FER1L6: variants seen among roughly 807,000 people sequenced by gnomAD.
FER1L6 encodes fer-1 like family member 6, also known as fer-1-like protein 6.
In FER1L6, 177 loss-of-function variants were observed where a neutral mutation model predicts 219.2. The observed-to-expected ratio is 0.81, with a 90% CI of 0.71 to 0.91. The LOEUF (loss-of-function observed/expected upper bound fraction) is 0.91. Among genes scored for constraint, FER1L6 ranks in the 40% least tolerant of loss-of-function variants. The probability of loss-of-function intolerance (pLI) is 0.00; values close to 1 mark genes in which losing one functional copy is unlikely to be tolerated. For synonymous variants in FER1L6, 768 were observed against 824.3 expected, an observed-to-expected ratio of 0.93 and a Z score of 1.17; for missense variants, 2,153 against 2,259.9, an observed-to-expected ratio of 0.95 and a Z score of 0.96.
chr8:124,025,512 T>C (rs1000338675), intron 18 of FER1L6, among the ~76,000 whole-genome samples: 1 of 152,168 alleles, frequency 6.6e-6, no homozygotes, highest in Non-Finnish European at 1.5e-5. Flanking sequence ...ATTTCTAGGT[T>C]CTCTATTCTA....
At chr8:123,884,321 T>A (rs1817161518) in intron 1 of FER1L6, among the ~76,000 whole-genome samples, 1 of 152,046 alleles carries the variant, frequency 6.6e-6, no homozygotes, top group South Asian at 2.1e-4. Context: ...ATTAGGAAAG[T>A]GAGGCAGTAA....
At chr8:123,999,042 G>T (rs1026485694) in intron 12 of FER1L6, among the ~76,000 whole-genome samples, 1 of 152,204 alleles carries the variant, frequency 6.6e-6, no homozygotes, top group African/African-American at 2.4e-5. Context: ...AACCTGCCTG[G>T]TGTTCTACCT....
chr8:123,946,174 G>A (rs1814476678), intron 1 of FER1L6, among the ~76,000 whole-genome samples: 1 of 152,136 alleles, frequency 6.6e-6, no homozygotes, highest in South Asian at 2.1e-4. Context: ...ATAGATTTAT[G>A]ACCTTGAACT....
chr8:124,081,580 G>C (rs1431037550), intron 32 of FER1L6, among the ~76,000 whole-genome samples: 1 of 142,758 alleles, frequency 7.0e-6, no homozygotes, highest in African/African-American at 2.7e-5. Context: ...TGCAGGTCAA[G>C]TGCAGGCTCC....
chr8:123,979,054 T>C (rs1465922571), intron 10 of FER1L6, among the ~76,000 whole-genome samples: 2 of 152,198 alleles, frequency 1.3e-5, no homozygotes, highest in African/African-American at 4.8e-5. Flanking sequence ...AATATTCTTA[T>C]ATTTAAGTCT....
At chr8:123,890,052 C>T (rs2129693326) in intron 1 of FER1L6, among the ~76,000 whole-genome samples, 1 of 152,194 alleles carries the variant, frequency 6.6e-6, no homozygotes, top group Admixed American at 6.5e-5. Context: ...CTTAGTCTTG[C>T]TGAAGTTAAA....
chr8:123,918,006 T>C (rs1813238903), intron 1 of FER1L6, among the ~76,000 whole-genome samples: 2 of 152,220 alleles, frequency 1.3e-5, no homozygotes, highest in Non-Finnish European at 2.9e-5. Flanking sequence ...GAAGTGGGCA[T>C]CTTTTCAATT....
intron 1 of FER1L6, among the ~76,000 whole-genome samples, chr8:123,932,357 A>C (rs4587312): frequency 0.39 from 59,447 of 151,836 alleles, 12,261 homozygotes; most frequent in South Asian, 0.52. Flanking sequence ...GATCCACCTG[A>C]CTCAGCCTCC....
At chr8:123,903,587 A>C (rs1254117603) in intron 1 of FER1L6, among the ~76,000 whole-genome samples, 1 of 152,236 alleles carries the variant, frequency 6.6e-6, no homozygotes, top group African/African-American at 2.4e-5. Context: ...ATGTTTACGT[A>C]AAATTAAATG....
chr8:124,068,975 C>T (rs376021017), intron 28 of FER1L6, among the ~76,000 whole-genome samples: 1 of 148,664 alleles, frequency 6.7e-6, no homozygotes, highest in East Asian at 2.0e-4. Flanking sequence ...CTTGCTCTGT[C>T]GCCCAGGCTG....
intron 1 of FER1L6, among the ~76,000 whole-genome samples, chr8:123,931,043 G>C (rs4512365): frequency 0.39 from 59,365 of 151,982 alleles, 12,219 homozygotes; most frequent in South Asian, 0.52. Flanking sequence ...AACATCCTTT[G>C]GTGGTAGGCT....
intron 1 of FER1L6, among the ~76,000 whole-genome samples, chr8:123,938,340 G>A (rs1421278489): frequency 1.3e-5 from 2 of 152,142 alleles, no homozygotes; most frequent in Admixed American, 1.3e-4. Flanking sequence ...ATCATGACTT[G>A]CATCACTGGA....
chr8:123,977,106 C>A (rs532268270), intron 9 of FER1L6, among the ~76,000 whole-genome samples: 1 of 152,310 alleles, frequency 6.6e-6, no homozygotes, highest in South Asian at 2.1e-4. Flanking sequence ...CATACTTCTA[C>A]AAAATATGAG....
rs781161909 is a variant in FER1L6, at chr8:124,015,571, CTATATATATATA to C, written c.1923-2023_1923-2012del. ...TGTTTCTTGTTTTTCATTATAAAAGCTATATATATATATATATATATATATATATATATATAT... is the reference window on the plus strand; with the variant it reads ...TGTTTCTTGTTTTTCATTATAAAAGCTATATATATATATATATATATATAT... On this transcript the variant is annotated intron_variant, in intron 15 of 40. Coordinates refer to ENST00000522917, the MANE Select transcript of FER1L6 (RefSeq NM_001039112.2). Among the ~76,000 whole-genome samples, 271 of 43,268 alleles carry C rather than the reference CTATATATATATA, an allele frequency of 6.3e-3. 3 individuals carry two copies. Among genetic ancestry groups the C allele is most frequent in the Non-Finnish European group, 0.012 (202 of 17,430 alleles). 28.4% of individuals were successfully genotyped at this position (43,268 alleles called of 152,430 possible).
rs759423477 is a variant in FER1L6 at position 124,101,232 on chromosome 8, CAAGAGGGAGAACATCTTCTCTTTAGAG to C, written c.5024_5050del (p.Arg1675_Lys1683del). 3.1e-6 allele frequency: 5 copies of C among 1,613,624 alleles called. No homozygotes were observed. Among genetic ancestry groups the C allele is most frequent in the African/African-American group, 2.7e-5 (2 of 74,832 alleles). On this transcript the variant is annotated inframe_deletion, in exon 38 of 41. Coordinates refer to ENST00000522917, the MANE Select transcript of FER1L6 (RefSeq NM_001039112.2). The stretch of plus-strand genomic sequence containing the variant: ...CAGCTGAGAAGCAAATGGTCATTAC[CAAGAGGGAGAACATCTTCTCTTTAGAG>C]AAGATGGAGTGTAAGACTCCTGCTG...
intron 1 of FER1L6, among the ~76,000 whole-genome samples, chr8:123,947,673 T>C (rs779422278): frequency 6.6e-6 from 1 of 152,212 alleles, no homozygotes; most frequent in Non-Finnish European, 1.5e-5. Flanking sequence ...TAGGCATGAT[T>C]GTTGCCTTCA....
At position 123,918,302 on chromosome 8, in the gene FER1L6, CTG is replaced by C. The variant is rs1813249037; in HGVS notation, c.-7-37688_-7-37687del. Among the ~76,000 whole-genome samples the C allele has an allele frequency of 2.9e-5, 4 of 136,390 alleles. No individual in the cohort carries two copies. In the South Asian group the frequency reaches 1.0e-3, roughly 35 times the overall value. The allele number at this position is 136,390 out of a possible 152,430, so 89.5% of individuals were successfully genotyped here. On this transcript the variant is annotated intron_variant, in intron 1 of 40. Coordinates refer to ENST00000522917, the MANE Select transcript of FER1L6 (RefSeq NM_001039112.2). ...CCAGCCTGGGTGACAGAGAGACAAC[CTG>C]TCTCAAAAAAAAAAAAAAAAATTCA... is the stretch of plus-strand genomic sequence containing the variant.
intron 1 of FER1L6, among the ~76,000 whole-genome samples, chr8:123,899,846 T>C (rs1054527315): frequency 1.3e-5 from 2 of 152,210 alleles, no homozygotes; most frequent in Non-Finnish European, 2.9e-5. Context: ...TTCTGTTCCA[T>C]TGGTCTATGT....
chr8:124,105,376 A>T (rs1822724205), intron 39 of FER1L6, among the ~76,000 whole-genome samples: 1 of 152,214 alleles, frequency 6.6e-6, no homozygotes, highest in Non-Finnish European at 1.5e-5. Flanking sequence ...CTATGGTGAA[A>T]AGCTTGGACT....
Sources: allele counts gnomAD v4.1 joint callset (sites outside exome capture counted in the v4.1 genomes callset), GRCh38; gene constraint gnomAD v4.1.1; transcripts MANE v1.5; gene names NCBI Gene and HGNC (gene_info 2026-07-23, HGNC 2026-07-21).